Variants in RORA observed in about 807,000 individuals in gnomAD.
RORA encodes RAR related orphan receptor A.
A neutral mutation model predicts 69.5 loss-of-function variants in RORA; 7 were observed. The observed-to-expected ratio is 0.10, with a 90% CI of 0.06 to 0.19. RORA has a LOEUF of 0.19. Among genes scored for constraint, RORA ranks in the 10% least tolerant of loss-of-function variants. The pLI is 1.00. For missense variants in RORA, 457 were observed against 663.0 expected, an observed-to-expected ratio of 0.69 and a Z score of 3.41; for synonymous variants, 261 against 240.8, an observed-to-expected ratio of 1.08 and a Z score of -0.78.
intron 1 of RORA, among the ~76,000 whole-genome samples, chr15:60,992,979 C>T (rs921666986): frequency 6.6e-6 from 1 of 152,146 alleles, no homozygotes; most frequent in Non-Finnish European, 1.5e-5. Context: ...CACCCCCTCT[C>T]CCAAAGTGCT....
chr15:61,067,227 T>A (rs911170965), intron 1 of RORA, among the ~76,000 whole-genome samples: 1 of 151,840 alleles, frequency 6.6e-6, no homozygotes, highest in African/African-American at 2.4e-5. Flanking sequence ...TTCTCCTGCC[T>A]CAGCCTCCTG....
intron 1 of RORA, among the ~76,000 whole-genome samples, chr15:61,048,157 C>T (rs770683111): frequency 8.5e-5 from 13 of 152,192 alleles, no homozygotes; most frequent in African/African-American, 3.1e-4. Context: ...CCTTTAAATT[C>T]TATTTGAAAC....
intron 1 of RORA, among the ~76,000 whole-genome samples, chr15:60,734,614 G>A (rs1021357774): frequency 6.6e-6 from 1 of 152,096 alleles, no homozygotes; most frequent in East Asian, 1.9e-4. Flanking sequence ...GATTTCTTGG[G>A]ACCCCGACCT....
intron 1 of RORA, chr15:60,706,175 G>A (rs2071060357): frequency 6.6e-6 from 1 of 152,230 alleles, no homozygotes; most frequent in African/African-American, 2.4e-5. Context: ...TTTTCCACCA[G>A]CTGGGCTCAT....
intron 1 of RORA, among the ~76,000 whole-genome samples, chr15:61,104,366 T>G (rs1250410957): frequency 6.6e-6 from 1 of 152,216 alleles, no homozygotes; most frequent in Non-Finnish European, 1.5e-5. Flanking sequence ...TTGAAAACTT[T>G]TAACCTTTCC....
Position 60,616,436 on chromosome 15 carries a change from G to A in RORA, c.196+62221C>T, listed in dbSNP as rs778869196. The stretch of plus-strand genomic sequence containing the variant: ...CACGAGGGCTGTCATTGGTTGGTGA[G>A]GATTGAGAAATTTTGATTTGTTTGT... On this transcript the variant is annotated intron_variant, in intron 2 of 10. Coordinates refer to ENST00000335670, the MANE Select transcript of RORA (RefSeq NM_134261.3). 7.2e-4 allele frequency among the ~76,000 whole-genome samples: 110 copies of A among 152,274 alleles called. No individual in the cohort carries two copies. The Middle Eastern group carries it at 0.01, about 14-fold the overall frequency.
chr15:61,189,624 G>A (rs192624839), intron 1 of RORA, among the ~76,000 whole-genome samples: 54 of 152,144 alleles, frequency 3.5e-4, no homozygotes, highest in Non-Finnish European at 5.4e-4. Context: ...TTGGGAGGCC[G>A]AGGTAGGCAG....
intron 1 of RORA, among the ~76,000 whole-genome samples, chr15:61,051,127 T>C (rs1897271980): frequency 6.6e-6 from 1 of 152,174 alleles, no homozygotes; most frequent in African/African-American, 2.4e-5. Flanking sequence ...TGGGCTGGAC[T>C]GATCTTCAGA....
intron 1 of RORA, among the ~76,000 whole-genome samples, chr15:60,946,355 T>C (rs889120668): frequency 6.6e-6 from 1 of 152,212 alleles, no homozygotes; most frequent in African/African-American, 2.4e-5. Flanking sequence ...CTCTGCTCAC[T>C]GCAACCTCCC....
chr15:60,993,476 TA>T (rs1185551319), intron 1 of RORA, among the ~76,000 whole-genome samples: 1 of 151,818 alleles, frequency 6.6e-6, no homozygotes, highest in Admixed American at 6.6e-5. Context: ...CCATCTCTAC[TA>T]AGAATACAAA....
chr15:60,560,512 A>G (rs796582519), intron 2 of RORA, among the ~76,000 whole-genome samples: 72 of 152,146 alleles, frequency 4.7e-4, no homozygotes, highest in African/African-American at 1.7e-3. Flanking sequence ...TGGACAATAT[A>G]GTGAGACCCT....
intron 1 of RORA, among the ~76,000 whole-genome samples, chr15:61,031,650 A>G (rs1363505542): frequency 1.3e-5 from 2 of 152,234 alleles, no homozygotes; most frequent in African/African-American, 4.8e-5. Flanking sequence ...TTCAGTGGAA[A>G]AAAATATGCA....
At chr15:60,672,394 A>C (rs1380192758) in intron 2 of RORA, among the ~76,000 whole-genome samples, 1 of 152,134 alleles carries the variant, frequency 6.6e-6, no homozygotes, top group Non-Finnish European at 1.5e-5. Flanking sequence ...ACCACATACT[A>C]GCTAGTTGTA....
intron 1 of RORA, among the ~76,000 whole-genome samples, chr15:61,092,275 G>A (rs1729830452): frequency 6.6e-6 from 1 of 152,124 alleles, no homozygotes; most frequent in Non-Finnish European, 1.5e-5. Flanking sequence ...CTGGCAGTAT[G>A]TTCAAAAAAA....
At chr15:60,951,052 CA>C (rs1893077712) in intron 1 of RORA, among the ~76,000 whole-genome samples, 1 of 151,016 alleles carries the variant, frequency 6.6e-6, no homozygotes, top group Non-Finnish European at 1.5e-5. Flanking sequence ...AAGCTCTCCT[CA>C]GCAAATGTAA....
At chr15:61,060,030 A>AGAAGAAGAG (rs1373272269) in intron 1 of RORA, among the ~76,000 whole-genome samples, 14 of 146,634 alleles carry the variant, frequency 9.5e-5, no homozygotes, top group Non-Finnish European at 1.6e-4. Context: ...AAGAAGAAGA[A>AGAAGAAGAG]GAAGAAGAAG....
At chr15:60,858,679 AAAAG>A (rs2073405327) in intron 1 of RORA, among the ~76,000 whole-genome samples, 1 of 138,718 alleles carries the variant, frequency 7.2e-6, no homozygotes, top group Non-Finnish European at 1.5e-5. Context: ...AGATTCATTA[AAAAG>A]AAAGAAAATA....
chr15:61,004,735 T>C (rs556594863), intron 1 of RORA, among the ~76,000 whole-genome samples: 1 of 152,162 alleles, frequency 6.6e-6, no homozygotes, highest in East Asian at 1.9e-4. Flanking sequence ...CTCAGCAACA[T>C]AAGAAGAACA....
intron 1 of RORA, among the ~76,000 whole-genome samples, chr15:60,710,860 C>A (rs2071133117): frequency 6.6e-6 from 1 of 151,876 alleles, no homozygotes; most frequent in African/African-American, 2.4e-5. Flanking sequence ...AGGCAAACCT[C>A]CAATCCTCTA....
Sources: gnomAD v4.1 joint callset for allele counts (sites outside exome capture counted in the v4.1 genomes callset) on GRCh38, gnomAD v4.1.1 for gene constraint, MANE v1.5 for transcripts, NCBI Gene and HGNC (gene_info 2026-07-23, HGNC 2026-07-21) for gene names.